PLD5: variants seen among roughly 807,000 people sequenced by gnomAD.
PLD5 encodes inactive phospholipase D5.
PLD5 carries 36 observed loss-of-function variants against 61.1 expected under a neutral mutation model. That is an observed-to-expected ratio of 0.59 (90% CI 0.45 to 0.78). The LOEUF (loss-of-function observed/expected upper bound fraction) is 0.78. Ranked by LOEUF, PLD5 falls within the 30% of genes least tolerant of loss-of-function variation. The pLI is 0.00. For missense variants in PLD5, 515 were observed against 644.4 expected (o/e 0.80, Z 2.17); for synonymous variants, 243 against 242.8 (o/e 1.00, Z -0.01).
upstream of PLD5, among the ~76,000 whole-genome samples, chr1:242,525,174 CAT>C (rs983962854): frequency 2.6e-5 from 4 of 152,156 alleles, no homozygotes; most frequent in African/African-American, 7.2e-5. Flanking sequence ...AGCCGAGAGA[CAT>C]GTGTTTTCTG....
intron 3 of PLD5, among the ~76,000 whole-genome samples, chr1:242,277,800 C>T (rs1208877044): frequency 4.6e-5 from 7 of 151,718 alleles, no homozygotes; most frequent in Admixed American, 2.6e-4. Context: ...CTGGCCAACA[C>T]GGTGAAACCT....
At chr1:242,515,857 T>G (rs1056083437) in intron 1 of PLD5, among the ~76,000 whole-genome samples, 1 of 152,206 alleles carries the variant, frequency 6.6e-6, no homozygotes, top group African/African-American at 2.4e-5. Flanking sequence ...ATGTGTTTAA[T>G]GTAGTAGATA....
At chr1:242,341,432 T>C (rs1249727452) in intron 2 of PLD5, among the ~76,000 whole-genome samples, 2 of 152,124 alleles carry the variant, frequency 1.3e-5, no homozygotes, top group Non-Finnish European at 2.9e-5. Flanking sequence ...TAGATGTCTG[T>C]AGATATTTTT....
intron 1 of PLD5, among the ~76,000 whole-genome samples, chr1:242,350,700 G>T (rs1322802429): frequency 6.6e-6 from 1 of 152,066 alleles, no homozygotes; most frequent in Non-Finnish European, 1.5e-5. Context: ...CAGCCCACAC[G>T]AGTGCTTCAT....
chr1:242,114,079 G>A, intron 6 of PLD5, 53 bp from the exon 7 acceptor site: 2 of 1,582,334 alleles, frequency 1.3e-6, no homozygotes, highest in South Asian at 2.3e-5. Flanking sequence ...GGCAGCTGGG[G>A]ATTTATTTAT....
chr1:242,439,803 T>G (rs565423369), intron 1 of PLD5, among the ~76,000 whole-genome samples: 2 of 152,258 alleles, frequency 1.3e-5, no homozygotes, highest in East Asian at 1.9e-4. Context: ...GGGTCACACC[T>G]GCAATAAGTG....
chr1:242,285,652 T>G (rs924951138), intron 3 of PLD5, among the ~76,000 whole-genome samples: 5 of 151,532 alleles, frequency 3.3e-5, no homozygotes, highest in Admixed American at 1.3e-4. Context: ...GCAGAGTGCT[T>G]GCAATAGTAC....
At position 242,089,545 on chromosome 1, in the gene PLD5, T is replaced by C; in HGVS notation, c.*309A>G. On this transcript the variant is annotated 3_prime_UTR_variant, in exon 10 of 10. Coordinates refer to ENST00000536534, the MANE Select transcript of PLD5 (RefSeq NM_001372062.1). ...GCTTCCTAACAACTGACCGGGTAGG[T>C]CAGCAGAAAAAGTTCTAAAACTAGA... 1.9e-6 allele frequency: 1 copy of C among 515,538 alleles called. No homozygotes were observed. The highest frequency in any genetic ancestry group is 3.8e-5 in the South Asian group (1 of 26,422). The allele number at this position is 515,538 out of a possible 1,614,324, so 31.9% of individuals were successfully genotyped here. A position where few individuals can be genotyped will look rare whatever the true frequency, so the allele number is the denominator to read the frequency against.
intron 1 of PLD5, among the ~76,000 whole-genome samples, chr1:242,458,970 C>G (rs546829951): frequency 6.6e-6 from 1 of 152,178 alleles, no homozygotes; most frequent in Non-Finnish European, 1.5e-5. Context: ...GCGACTGCTG[C>G]TACTGCTGGA....
intron 5 of PLD5, among the ~76,000 whole-genome samples, chr1:242,142,742 C>CTG (rs1235044053): frequency 6.6e-5 from 10 of 150,736 alleles, no homozygotes; most frequent in Non-Finnish European, 1.3e-4. Context: ...CTCTCTCTCT[C>CTG]TCTGTCTCTA....
intron 5 of PLD5, among the ~76,000 whole-genome samples, chr1:242,129,740 CA>C (rs575574881): frequency 6.6e-6 from 1 of 152,324 alleles, no homozygotes; most frequent in East Asian, 1.9e-4. Flanking sequence ...TAACCATCAT[CA>C]CCTGGATAGT....
At chr1:242,133,672 A>G (rs553326647) in intron 5 of PLD5, among the ~76,000 whole-genome samples, 2 of 151,918 alleles carry the variant, frequency 1.3e-5, no homozygotes, top group East Asian at 3.9e-4. Context: ...TTCATCTTTT[A>G]TAAGGATCTA....
At chr1:242,246,017 C>T (rs779160067) in intron 4 of PLD5, among the ~76,000 whole-genome samples, 2 of 152,150 alleles carry the variant, frequency 1.3e-5, no homozygotes, top group African/African-American at 4.8e-5. Flanking sequence ...TCTCATTAAT[C>T]TTCAGAATAA....
At chr1:242,099,773 AAAG>A (rs1185594962) in intron 9 of PLD5, among the ~76,000 whole-genome samples, 3 of 152,258 alleles carry the variant, frequency 2.0e-5, no homozygotes, top group African/African-American at 7.2e-5. Context: ...AATTTGAAAA[AAAG>A]AAATTGATAC....
chr1:242,395,484 A>T (rs1240764953), intron 1 of PLD5, among the ~76,000 whole-genome samples: 3 of 152,204 alleles, frequency 2.0e-5, no homozygotes, highest in Non-Finnish European at 4.4e-5. Flanking sequence ...ATTAAGAAAC[A>T]AGATGAAGGA....
intron 2 of PLD5, among the ~76,000 whole-genome samples, chr1:242,307,425 C>A (rs147793536): frequency 3.9e-5 from 6 of 152,050 alleles, no homozygotes; most frequent in Non-Finnish European, 7.4e-5. Context: ...GGCCCATAAG[C>A]CAAGTACTTT....
At chr1:242,328,852 G>A (rs10926687) in intron 2 of PLD5, among the ~76,000 whole-genome samples, 9 of 152,134 alleles carry the variant, frequency 5.9e-5, no homozygotes, top group Non-Finnish European at 7.3e-5. Flanking sequence ...GAATTTCTGC[G>A]TTAGAGCAAC....
intron 1 of PLD5, among the ~76,000 whole-genome samples, chr1:242,396,721 G>A (rs1359280231): frequency 4.4e-5 from 6 of 137,146 alleles, no homozygotes; most frequent in Non-Finnish European, 7.6e-5. Context: ...TCACCAGGCT[G>A]GAGTGCAGTG....
At chr1:242,221,426 C>T (rs1005661788) in intron 4 of PLD5, among the ~76,000 whole-genome samples, 2 of 152,176 alleles carry the variant, frequency 1.3e-5, no homozygotes, top group African/African-American at 4.8e-5. Context: ...ACACATAAGA[C>T]TGTATGCAGA....
Sources: allele counts gnomAD v4.1 joint callset (sites outside exome capture counted in the v4.1 genomes callset), GRCh38; gene constraint gnomAD v4.1.1; transcripts MANE v1.5; gene names NCBI Gene and HGNC (gene_info 2026-07-23, HGNC 2026-07-21).